Variants in TRPM3 observed in about 807,000 individuals in gnomAD.
TRPM3 encodes transient receptor potential cation channel subfamily M member 3.
TRPM3 carries 77 observed loss-of-function variants against 181.2 expected under a neutral mutation model. The observed-to-expected ratio is 0.42, with a 90% confidence interval of 0.35 to 0.51. TRPM3 has a LOEUF of 0.51. Among genes scored for constraint, TRPM3 ranks in the 20% least tolerant of loss-of-function variants. TRPM3 has a pLI of 0.01. For synonymous variants in TRPM3, 745 were observed against 796.4 expected (o/e 0.94, Z 1.09); for missense variants, 1,759 against 2,196.7 (o/e 0.80, Z 3.98).
At chr9:70,989,973 T>C (rs939635522) in intron 1 of TRPM3, among the ~76,000 whole-genome samples, 3 of 152,184 alleles carry the variant, frequency 2.0e-5, no homozygotes, top group Non-Finnish European at 4.4e-5. Context: ...TGTGTGTTAA[T>C]TTGTTTAACT....
At chr9:71,077,366 G>C (rs2063606730) in intron 1 of TRPM3, among the ~76,000 whole-genome samples, 1 of 152,154 alleles carries the variant, frequency 6.6e-6, no homozygotes, top group Non-Finnish European at 1.5e-5. Context: ...TTACCTGTTG[G>C]CCAGTTCGCA....
intron 1 of TRPM3, among the ~76,000 whole-genome samples, chr9:71,076,253 T>C (rs998893361): frequency 5.9e-5 from 9 of 152,160 alleles, no homozygotes; most frequent in African/African-American, 2.2e-4. Context: ...ATTTACACCA[T>C]GAAACCAGAA....
intron 1 of TRPM3, among the ~76,000 whole-genome samples, chr9:71,127,264 A>G (rs1368079359): frequency 7.7e-6 from 1 of 129,798 alleles, no homozygotes; most frequent in African/African-American, 2.9e-5. Context: ...AGAATACTCA[A>G]CATAGATTTT....
chr9:70,752,746 G>A (rs768472130), intron 8 of TRPM3, among the ~76,000 whole-genome samples: 3 of 152,136 alleles, frequency 2.0e-5, no homozygotes, highest in Admixed American at 6.5e-5. Flanking sequence ...CAAATTTGTA[G>A]CCTAGGGACA....
chr9:71,051,330 T>G (rs1231470934), intron 1 of TRPM3, among the ~76,000 whole-genome samples: 5 of 152,200 alleles, frequency 3.3e-5, no homozygotes, highest in Non-Finnish European at 7.3e-5. Context: ...ACTAAATCCA[T>G]TACTAAACAT....
intron 10 of TRPM3, 89 bp downstream of exon 10, chr9:70,640,471 C>A: frequency 3.1e-6 from 3 of 978,344 alleles, no homozygotes; most frequent in Non-Finnish European, 4.6e-6. Context: ...AAAAAGCAAT[C>A]GTTTTCTGAG....
At chr9:71,112,879 T>A (rs2071443424) in intron 1 of TRPM3, among the ~76,000 whole-genome samples, 1 of 152,164 alleles carries the variant, frequency 6.6e-6, no homozygotes, top group Non-Finnish European at 1.5e-5. Flanking sequence ...CATTAAAATA[T>A]GGGCAGGGTT....
rs374804062 is a variant in TRPM3 at position 71,127,507 on chromosome 9, T to C, written c.184-262996A>G. Among the ~76,000 whole-genome samples the C allele has an allele frequency of 2.3e-4, 35 of 152,306 alleles. 1 individual carries two copies. The South Asian group carries it at 6.4e-3, about 28-fold the overall frequency. ...CAGGCAGACTCTATCCAAACCTAAG[T>C]GCCTCCTCTTACCCACTATGTGGCC... On this transcript the variant is annotated intron_variant, in intron 1 of 24. Coordinates refer to the TRPM3 transcript ENST00000357533.
chr9:70,986,561 A>G (rs116294331), intron 1 of TRPM3, among the ~76,000 whole-genome samples: 2,075 of 152,244 alleles, frequency 0.014, 39 homozygotes, highest in African/African-American at 0.048. Flanking sequence ...GGATATTATT[A>G]TCTCCATTTC....
chr9:71,083,913 C>A (rs1449158070), intron 1 of TRPM3, among the ~76,000 whole-genome samples: 1 of 151,356 alleles, frequency 6.6e-6, no homozygotes, highest in Non-Finnish European at 1.5e-5. Context: ...CTTTTTCTTC[C>A]AAGTAGTAGT....
intron 1 of TRPM3, among the ~76,000 whole-genome samples, chr9:71,071,882 C>T (rs778483994): frequency 9.2e-5 from 14 of 152,208 alleles, no homozygotes; most frequent in Non-Finnish European, 1.6e-4. Context: ...GGAATCAATA[C>T]ACTTCAGGTC....
chr9:70,956,964 T>TC (rs199959493), intron 1 of TRPM3, among the ~76,000 whole-genome samples: 61,290 of 137,666 alleles, frequency 0.45, 13,748 homozygotes, highest in African/African-American at 0.51. Flanking sequence ...TTTCTTTCTT[T>TC]TTTTTTTTTT....
At chr9:71,446,814 C>T (rs2094210389) in exon 1 of TRPM3, 1 of 1,548,588 alleles carries the variant, frequency 6.5e-7, no homozygotes, top group Admixed American at 2.0e-5. Flanking sequence ...ATTTCCGCCG[C>T]ATCCCTCCAC....
At chr9:70,639,326 C>T in intron 10 of TRPM3, 132 bp from the exon 11 acceptor site, 1 of 935,208 alleles carries the variant, frequency 1.1e-6, no homozygotes, top group African/African-American at 1.6e-5. Context: ...TAAGAACATG[C>T]TAGCAAGACT....
intron 1 of TRPM3, among the ~76,000 whole-genome samples, chr9:71,138,083 C>T (rs925731329): frequency 4.6e-5 from 7 of 151,784 alleles, no homozygotes; most frequent in African/African-American, 1.2e-4. Context: ...CACTGCACCC[C>T]AGCCTGGGCA....
At chr9:71,181,367 A>AT (rs59651573) in intron 1 of TRPM3, among the ~76,000 whole-genome samples, 5,012 of 141,734 alleles carry the variant, frequency 0.035, 264 homozygotes, top group African/African-American at 0.12. Context: ...GGAAACTGCA[A>AT]TTTTTTTTTT....
At chr9:70,666,206 C>A (rs1387547503) in intron 9 of TRPM3, among the ~76,000 whole-genome samples, 1 of 152,232 alleles carries the variant, frequency 6.6e-6, no homozygotes, top group African/African-American at 2.4e-5. Context: ...ACGGCAGTTC[C>A]AGGCAGAAGC....
At chr9:70,958,892 A>T (rs1008540038) in intron 1 of TRPM3, among the ~76,000 whole-genome samples, 5 of 151,786 alleles carry the variant, frequency 3.3e-5, no homozygotes, top group Non-Finnish European at 7.4e-5. Context: ...TTCTCAGTAA[A>T]CTATCGCAAG....
At chr9:70,573,855 G>A (rs1015577482) in intron 22 of TRPM3, among the ~76,000 whole-genome samples, 1 of 151,992 alleles carries the variant, frequency 6.6e-6, no homozygotes, top group African/African-American at 2.4e-5. Context: ...CTGGAAGCCA[G>A]CACTTTAGGG....
Sources: allele counts gnomAD v4.1 joint callset (sites outside exome capture counted in the v4.1 genomes callset), GRCh38; gene constraint gnomAD v4.1.1; transcripts MANE v1.5; gene names NCBI Gene and HGNC (gene_info 2026-07-23, HGNC 2026-07-21).